SULF1: variants seen among roughly 807,000 people sequenced by gnomAD.
SULF1 encodes extracellular sulfatase Sulf-1.
Under a neutral mutation model 110.5 loss-of-function variants are expected in SULF1, and 46 were observed. The ratio of observed to expected loss-of-function variants is 0.42; its 90% CI spans 0.33 to 0.53. SULF1 has a LOEUF of 0.53. Among genes scored for constraint, SULF1 ranks in the 20% least tolerant of loss-of-function variants. The pLI is 0.12. For missense variants in SULF1, 941 were observed against 1,094.2 expected (o/e 0.86, Z 1.98); for synonymous variants, 371 against 387.1 (o/e 0.96, Z 0.49).
chr8:69,470,284 G>T (rs1396139456), intron 1 of SULF1, among the ~76,000 whole-genome samples: 1 of 152,078 alleles, frequency 6.6e-6, no homozygotes, highest in Non-Finnish European at 1.5e-5. Flanking sequence ...TGGGGAGAAG[G>T]AGGCTCATGT....
chr8:69,537,591 G>T (rs1169675739), intron 3 of SULF1, among the ~76,000 whole-genome samples: 1 of 152,156 alleles, frequency 6.6e-6, no homozygotes, highest in Non-Finnish European at 1.5e-5. Flanking sequence ...AAGGGGATTC[G>T]TCCTCATGAC....
chr8:69,635,965 A>G (rs1303703488), intron 19 of SULF1, among the ~76,000 whole-genome samples: 2 of 152,234 alleles, frequency 1.3e-5, no homozygotes, highest in East Asian at 1.9e-4. Flanking sequence ...TCCTTGCCTC[A>G]GGTTTTTCCA....
In SULF1 at chr8:69,658,837, C is replaced by A; in HGVS notation, c.*302C>A. On this transcript the variant is annotated 3_prime_UTR_variant, in exon 23 of 23. Transcript: ENST00000402687. ...CCCAAGGCATAAGGTTGGGAAAACA[C>A]CTCATTTGACCTTGCCAGCTGACCT... 1.8e-6 allele frequency: 1 copy of A among 570,772 alleles called. No homozygotes were observed. The highest frequency in any genetic ancestry group is 3.3e-6 in the Non-Finnish European group (1 of 300,940). 35.4% of individuals were successfully genotyped at this position (570,772 alleles called of 1,614,324 possible).
chr8:69,551,030 G>A (rs576374791), intron 3 of SULF1, among the ~76,000 whole-genome samples: 7 of 152,292 alleles, frequency 4.6e-5, no homozygotes, highest in East Asian at 3.9e-4. Context: ...TAATCGATTC[G>A]AAGTTTGTTT....
At chr8:69,483,617 G>A (rs185249969) in intron 1 of SULF1, among the ~76,000 whole-genome samples, 16 of 151,872 alleles carry the variant, frequency 1.1e-4, no homozygotes, top group African/African-American at 2.9e-4. Flanking sequence ...ATTATATTTC[G>A]CAATAGAAAA....
intron 1 of SULF1, among the ~76,000 whole-genome samples, chr8:69,471,368 C>T (rs898225202): frequency 7.3e-5 from 11 of 151,284 alleles, no homozygotes; most frequent in South Asian, 2.1e-4. Context: ...TCACTGGCTC[C>T]GGTAGCTTCC....
chr8:69,547,871 A>G (rs1185926325), intron 3 of SULF1, among the ~76,000 whole-genome samples: 2 of 152,206 alleles, frequency 1.3e-5, no homozygotes, highest in African/African-American at 4.8e-5. Context: ...GAATTGAACA[A>G]ATTGCAGGTA....
At chr8:69,649,708 G>A (rs1312297366) in intron 22 of SULF1, among the ~76,000 whole-genome samples, 1 of 151,912 alleles carries the variant, frequency 6.6e-6, no homozygotes, top group African/African-American at 2.4e-5. Context: ...TTGAAGCTGT[G>A]GATTTTTGTC....
chr8:69,498,099 GTC>G (rs72349073), intron 2 of SULF1, among the ~76,000 whole-genome samples: 2,583 of 137,352 alleles, frequency 0.019, 67 homozygotes, highest in African/African-American at 0.061. Flanking sequence ...CTCTCTCTCT[GTC>G]TCTCTCTCTC....
rs549349471 is a variant in SULF1 at position 69,554,745 on chromosome 8, C to T, written c.-133-8794C>T. 5.3e-5 allele frequency among the ~76,000 whole-genome samples: 8 copies of T among 151,798 alleles called. No homozygotes were observed. In the South Asian group the frequency reaches 6.2e-4, roughly 12 times the overall value. ...CTGTAATCCTAGCACTTTGGGAGGC[C>T]GAGGCAGGAGGATCATGAGGTCAGT... is the stretch of plus-strand genomic sequence containing the variant. On this transcript the variant is annotated intron_variant, in intron 3 of 22. Transcript: ENST00000402687.
At chr8:69,645,292 C>A (rs992052301) in intron 22 of SULF1, among the ~76,000 whole-genome samples, 1 of 152,042 alleles carries the variant, frequency 6.6e-6, no homozygotes, top group African/African-American at 2.4e-5. Flanking sequence ...CAATAGTGAC[C>A]CTATTCCAAA....
chr8:69,613,357 T>A (rs1808822399), intron 13 of SULF1, among the ~76,000 whole-genome samples: 1 of 151,532 alleles, frequency 6.6e-6, no homozygotes, highest in Non-Finnish European at 1.5e-5. Context: ...TTTGGGTTTT[T>A]TTTTTTTGTT....
At chr8:69,652,626 G>C (rs1056947958) in intron 22 of SULF1, among the ~76,000 whole-genome samples, 3 of 152,112 alleles carry the variant, frequency 2.0e-5, no homozygotes, top group African/African-American at 4.8e-5. Flanking sequence ...CATATTTTAA[G>C]TTCAGCCTAA....
intron 3 of SULF1, among the ~76,000 whole-genome samples, chr8:69,521,232 C>T (rs1489834062): frequency 6.6e-6 from 1 of 152,048 alleles, no homozygotes; most frequent in Non-Finnish European, 1.5e-5. Flanking sequence ...TTGTTGGGCA[C>T]CTACTACATG....
chr8:69,563,862 G>A (rs903854359), intron 4 of SULF1, 54 bp from the exon 5 acceptor site: 1 of 1,054,280 alleles, frequency 9.5e-7, no homozygotes. Context: ...AACTGTGCTT[G>A]GAGTTTGGAT....
At chr8:69,534,362 T>C (rs1813297053) in intron 3 of SULF1, among the ~76,000 whole-genome samples, 2 of 152,336 alleles carry the variant, frequency 1.3e-5, no homozygotes, top group Middle Eastern at 6.8e-3. Flanking sequence ...ACATTGTGCA[T>C]GGTGGATATT....
chr8:69,526,844 AGGAAGGAAG>A (rs1320622077), intron 3 of SULF1, among the ~76,000 whole-genome samples: 43 of 143,276 alleles, frequency 3.0e-4, no homozygotes, highest in African/African-American at 1.2e-3. Context: ...GAAGGAAGGG[AGGAAGGAAG>A]GAAGGAAAGA....
rs1234010608 is a variant in SULF1, at chr8:69,586,373, C to T, written c.429C>T (p.Tyr143=). Residue 143 remains tyrosine, a synonymous_variant, in exon 7 of 23, where the codon TAC becomes TAT. Coordinates refer to ENST00000402687, the MANE Select transcript of SULF1 (RefSeq NM_001128205.2). The part of the protein sequence containing the change: ...TGYRTAFFGK[Y]LNEYNGSYIP... Reference sequence around the variant, plus strand: ...CCACTGCAGCCTTTTTTGGAAAATACCTCAATGAATATAATGGCAGCTACA... The same window carrying T: ...CCACTGCAGCCTTTTTTGGAAAATATCTCAATGAATATAATGGCAGCTACA... 1 of 1,568,974 alleles carries T rather than the reference C, an allele frequency of 6.4e-7. No homozygotes were observed. The highest frequency in any genetic ancestry group is 8.6e-7 in the Non-Finnish European group (1 of 1,162,440).
chr8:69,585,026 G>T (rs1440461540), intron 6 of SULF1, among the ~76,000 whole-genome samples: 1 of 152,146 alleles, frequency 6.6e-6, no homozygotes, highest in Non-Finnish European at 1.5e-5. Context: ...ATAAGCGAGG[G>T]CACCTATAAA....
Sources: allele counts gnomAD v4.1 joint callset (sites outside exome capture counted in the v4.1 genomes callset), GRCh38; gene constraint gnomAD v4.1.1; transcripts MANE v1.5; gene names NCBI Gene and HGNC (gene_info 2026-07-23, HGNC 2026-07-21).